RBFOX1: variants seen among roughly 807,000 people sequenced by gnomAD.
The protein encoded by RBFOX1 is RNA binding protein fox-1 homolog 1.
A neutral mutation model predicts 57.7 loss-of-function variants in RBFOX1; 8 were observed. The observed-to-expected ratio is 0.14, with a 90% CI of 0.08 to 0.25. The LOEUF is 0.25. RBFOX1 is among the 10% of genes least tolerant of loss of function. RBFOX1 has a pLI of 1.00. For missense variants in RBFOX1, 611 were observed against 548.5 expected, an observed-to-expected ratio of 1.11 and a Z score of -1.14; for synonymous variants, 326 against 222.4, an observed-to-expected ratio of 1.47 and a Z score of -4.15.
At chr16:5,944,811 T>TAAAAAAAAAAAAAAAAAAAAAAAA (rs2059362532) in intron 4 of RBFOX1, among the ~76,000 whole-genome samples, 1 of 39,454 alleles carries the variant, frequency 2.5e-5, no homozygotes, top group African/African-American at 1.3e-4. Flanking sequence ...AAAAAAAAAT[T>TAAAAAAAAAAAAAAAAAAAAAAAA]AGCTGGGTGT....
At chr16:6,766,388 T>C (rs1054876752) in intron 3 of RBFOX1, among the ~76,000 whole-genome samples, 4 of 152,060 alleles carry the variant, frequency 2.6e-5, no homozygotes, top group African/African-American at 9.7e-5. Flanking sequence ...TCATTGTAAA[T>C]ATTATTATTG....
At chr16:6,453,263 GC>G (rs1567309912) in intron 2 of RBFOX1, among the ~76,000 whole-genome samples, 2 of 151,984 alleles carry the variant, frequency 1.3e-5, no homozygotes, top group South Asian at 2.1e-4. Flanking sequence ...CCCTCCTCTA[GC>G]CCCCCACCCC....
chr16:6,686,228 A>G (rs1456121387), intron 3 of RBFOX1, among the ~76,000 whole-genome samples: 4 of 152,204 alleles, frequency 2.6e-5, no homozygotes, highest in Non-Finnish European at 4.4e-5. Context: ...TCACTCAGGT[A>G]GAGGTCTCAA....
chr16:6,388,311 G>T (rs58297783), intron 2 of RBFOX1, among the ~76,000 whole-genome samples: 3,000 of 151,986 alleles, frequency 0.02, 111 homozygotes, highest in African/African-American at 0.068. Context: ...GGGGACGTAG[G>T]TCTGAAGCTG....
At chr16:6,403,078 C>G (rs2018953) in intron 2 of RBFOX1, among the ~76,000 whole-genome samples, 100,654 of 150,802 alleles carry the variant, frequency 0.67, 34,126 homozygotes, top group African/African-American at 0.82. Context: ...TGTGTTAAAA[C>G]CTTTAGTGTG....
At chr16:6,379,876 G>T (rs572993585) in intron 2 of RBFOX1, among the ~76,000 whole-genome samples, 1 of 152,118 alleles carries the variant, frequency 6.6e-6, no homozygotes, top group Non-Finnish European at 1.5e-5. Flanking sequence ...AGGTTCATGG[G>T]ATGGGAGGCA....
In RBFOX1 at chr16:7,671,533, C is replaced by G. The variant is rs779375811; in HGVS notation, c.931-5241C>G. 4.4e-6 allele frequency: 7 copies of G among 1,588,528 alleles called. No individual in the cohort carries two copies. In the African/African-American group the frequency reaches 6.7e-5, roughly 15 times the overall value. On this transcript the variant is annotated intron_variant, in intron 13 of 15. Transcript: ENST00000550418. ...ATTTATTTCATTTTTGCATTGAAAA[C>G]ATTACATTTCTGTTTCCTTATAGAG...
At chr16:6,343,419 C>T (rs1195766376) in intron 2 of RBFOX1, among the ~76,000 whole-genome samples, 1 of 152,164 alleles carries the variant, frequency 6.6e-6, no homozygotes, top group Non-Finnish European at 1.5e-5. Context: ...GGAAGATAGT[C>T]TTCAGGGAAG....
intron 2 of RBFOX1, among the ~76,000 whole-genome samples, chr16:6,463,876 C>T (rs931895452): frequency 6.6e-5 from 10 of 152,250 alleles, no homozygotes; most frequent in African/African-American, 2.4e-4. Flanking sequence ...CTCGCGCCCA[C>T]CATGACCTAG....
intron 1 of RBFOX1, among the ~76,000 whole-genome samples, chr16:5,369,255 G>T (rs1449477330): frequency 6.6e-6 from 1 of 152,176 alleles, no homozygotes; most frequent in African/African-American, 2.4e-5. Context: ...ACCCACCTTG[G>T]TCTCCCAAAG....
At chr16:5,830,638 C>G (rs1221741110) in intron 3 of RBFOX1, among the ~76,000 whole-genome samples, 1 of 152,128 alleles carries the variant, frequency 6.6e-6, no homozygotes, top group African/African-American at 2.4e-5. Context: ...AGATAAAATG[C>G]AGCAGCTAGG....
At chr16:5,943,353 T>C (rs950320672) in intron 4 of RBFOX1, among the ~76,000 whole-genome samples, 1 of 152,238 alleles carries the variant, frequency 6.6e-6, no homozygotes, top group Non-Finnish European at 1.5e-5. Flanking sequence ...ATCATGGGGC[T>C]AAACCGTTGA....
intron 1 of RBFOX1, among the ~76,000 whole-genome samples, chr16:6,190,669 TC>T (rs1002479740): frequency 1.3e-5 from 2 of 152,142 alleles, no homozygotes; most frequent in African/African-American, 4.8e-5. Flanking sequence ...GCCACCAATT[TC>T]CCCTCTCAGA....
chr16:7,058,165 A>G (rs1273375401), intron 4 of RBFOX1, among the ~76,000 whole-genome samples: 2 of 152,086 alleles, frequency 1.3e-5, no homozygotes, highest in African/African-American at 4.8e-5. Context: ...CGCACGTCTT[A>G]CTCACAGCTT....
chr16:6,576,788 G>C (rs989083208), intron 2 of RBFOX1: 7 of 152,178 alleles, frequency 4.6e-5, no homozygotes, highest in Admixed American at 2.6e-4. Flanking sequence ...ACAATCCTGG[G>C]GGAAGGGTGT....
chr16:7,256,281 A>AG (rs765149800), intron 4 of RBFOX1, among the ~76,000 whole-genome samples: 16 of 152,106 alleles, frequency 1.1e-4, no homozygotes, highest in Non-Finnish European at 2.2e-4. Flanking sequence ...GGTTCTGATG[A>AG]GGGGAGAGGT....
chr16:6,416,515 AAG>A (rs1273766580), intron 2 of RBFOX1, among the ~76,000 whole-genome samples: 1 of 151,784 alleles, frequency 6.6e-6, no homozygotes, highest in Non-Finnish European at 1.5e-5. Flanking sequence ...TTTTTACTGA[AAG>A]AGATTGTATT....
chr16:6,403,417 G>A (rs896317413), intron 2 of RBFOX1, among the ~76,000 whole-genome samples: 3 of 151,796 alleles, frequency 2.0e-5, no homozygotes, highest in African/African-American at 7.2e-5. Flanking sequence ...AGGCAGGAGT[G>A]CAGTGGTGTG....
At chr16:6,045,936 TG>T (rs2095490814) in intron 1 of RBFOX1, among the ~76,000 whole-genome samples, 1 of 152,150 alleles carries the variant, frequency 6.6e-6, no homozygotes, top group Non-Finnish European at 1.5e-5. Context: ...ATTGATTTAT[TG>T]GGGAACAGAG....
Sources: allele counts gnomAD v4.1 joint callset (sites outside exome capture counted in the v4.1 genomes callset), GRCh38; gene constraint gnomAD v4.1.1; transcripts MANE v1.5; gene names NCBI Gene and HGNC (gene_info 2026-07-23, HGNC 2026-07-21).